HTR4: variants seen among roughly 807,000 people sequenced by gnomAD.
The protein encoded by HTR4 is 5-hydroxytryptamine (serotonin) receptor 4, G protein-coupled.
Under a neutral mutation model 36.8 loss-of-function variants are expected in HTR4, and 16 were observed. The observed-to-expected ratio is 0.43, with a 90% CI of 0.29 to 0.66. The LOEUF (loss-of-function observed/expected upper bound fraction) is 0.66, where lower values mean the gene tolerates loss of function less well. Ranked by LOEUF, HTR4 falls within the 30% of genes least tolerant of loss-of-function variation. The pLI is 0.13. For synonymous variants in HTR4, 189 were observed against 185.1 expected (o/e 1.02, Z -0.17); for missense variants, 438 against 490.9 (o/e 0.89, Z 1.02).
At chr5:148,453,173 G>T (rs1025693420) in intron 5 of HTR4, among the ~76,000 whole-genome samples, 7 of 152,258 alleles carry the variant, frequency 4.6e-5, no homozygotes, top group African/African-American at 1.7e-4. Context: ...CTGAGTCCAG[G>T]TTAGTCTTTC....
chr5:148,637,679 A>G (rs1308386615), intron 1 of HTR4, among the ~76,000 whole-genome samples: 1 of 152,086 alleles, frequency 6.6e-6, no homozygotes, highest in Non-Finnish European at 1.5e-5. Flanking sequence ...GTTAACTTCA[A>G]ATTACCAAAG....
chr5:148,547,675 T>G (rs964751900), intron 4 of HTR4, among the ~76,000 whole-genome samples: 1 of 152,006 alleles, frequency 6.6e-6, no homozygotes, highest in Non-Finnish European at 1.5e-5. Flanking sequence ...TGAGGATAAC[T>G]TGAGCACAGT....
intron 5 of HTR4, among the ~76,000 whole-genome samples, chr5:148,460,839 C>T (rs886229631): frequency 3.9e-5 from 6 of 152,010 alleles, no homozygotes; most frequent in Admixed American, 3.3e-4. Flanking sequence ...TGCTTTTATG[C>T]TCCTCAATGG....
intron 2 of HTR4, among the ~76,000 whole-genome samples, chr5:148,588,823 A>T (rs972468584): frequency 1.3e-5 from 2 of 151,648 alleles, no homozygotes; most frequent in African/African-American, 4.8e-5. Context: ...TACAGGCGTG[A>T]GGGTTTTAAT....
chr5:148,509,613 AC>A lies in HTR4; in HGVS notation c.918del (p.Leu307Ter). ...AFLWLGYINS[G>X]LNPFLYAFLN... ...AAGAAGGCGTAGAGAAAAGGGTTCA[AC>A]CCGGAATTGATATAGCCGAGCCAGA... On this transcript the variant is annotated frameshift_variant, in exon 6 of 7. Transcript: ENST00000377888. LOFTEE classifies it high-confidence loss of function. 1.2e-6 allele frequency: 2 copies of A among 1,614,086 alleles called. No individual in the cohort carries two copies. Among genetic ancestry groups the A allele is most frequent in the Non-Finnish European group, 1.7e-6 (2 of 1,179,996 alleles).
chr5:148,556,845 G>A (rs187991311), intron 2 of HTR4, among the ~76,000 whole-genome samples: 3 of 152,262 alleles, frequency 2.0e-5, no homozygotes, highest in Admixed American at 2.0e-4. Context: ...AAAACACGCT[G>A]GCTTAGAGAG....
rs755406494 is a variant in HTR4 at position 148,548,812 on chromosome 5, G to A, written c.209C>T (p.Ser70Leu). The A allele has an allele frequency of 1.2e-6, 2 of 1,613,962 alleles. No individual in the cohort carries two copies. The highest frequency in any genetic ancestry group is 2.2e-5 in the East Asian group (1 of 44,836). ...VSLAFADLLV[S>L]VLVMPFGAIE... The stretch of plus-strand genomic sequence containing the variant: ...GGCACCAAAGGGCATCACCAGCACC[G>A]AAACCAGCAGATCCGCAAAAGCAAG... Residue 70 changes from serine (S) to leucine (L), a missense_variant, in exon 4 of 7, where the codon TCG (serine) becomes TTG (leucine). Ser to Leu is a moderately radical substitution (Grantham distance 145). Transcript: ENST00000377888.
chr5:148,473,301 C>CAAAAA (rs35164649), downstream of HTR4, among the ~76,000 whole-genome samples: 6 of 68,630 alleles, frequency 8.7e-5, no homozygotes, highest in African/African-American at 2.4e-4. Context: ...GACTCCATCT[C>CAAAAA]AAAAAAAAAA....
In HTR4 at chr5:148,509,938, C is replaced by G; in HGVS notation, c.594G>C (p.Val198=). 6.2e-7 allele frequency: 1 copy of G among 1,613,928 alleles called. No homozygotes were observed. The highest frequency in any genetic ancestry group is 8.5e-7 in the Non-Finnish European group (1 of 1,179,972). Residue 198 remains valine (V), a synonymous_variant, in exon 6 of 7, where the codon GTG becomes GTC. Coordinates refer to ENST00000377888, the MANE Select transcript of HTR4 (RefSeq NM_000870.7). The part of the protein sequence containing the change: ...VNKPYAITCS[V]VAFYIPFLLM... ...GGAGAAATGGGATGTAGAAGGCCAC[C>G]ACAGAGCAGGTGATGGCGTAGGGCT...
chr5:148,527,140 C>T (rs34739730), intron 4 of HTR4, among the ~76,000 whole-genome samples: 38,803 of 151,914 alleles, frequency 0.26, 5,763 homozygotes, highest in Non-Finnish European at 0.34. Flanking sequence ...CACATGTACC[C>T]CATAAGTATG....
intron 6 of HTR4, among the ~76,000 whole-genome samples, chr5:148,496,554 A>G (rs1010574439): frequency 1.3e-5 from 2 of 152,178 alleles, no homozygotes; most frequent in African/African-American, 2.4e-5. Flanking sequence ...CTAACGTAAA[A>G]GATGTAACCT....
chr5:148,478,988 G>A (rs986938004), downstream of HTR4, among the ~76,000 whole-genome samples: 7 of 151,884 alleles, frequency 4.6e-5, no homozygotes, highest in East Asian at 1.9e-4. Context: ...TGGATGGCTC[G>A]TGACATGCCC....
chr5:148,572,969 A>T (rs1026964801), intron 2 of HTR4, among the ~76,000 whole-genome samples: 3 of 152,102 alleles, frequency 2.0e-5, no homozygotes, highest in African/African-American at 7.2e-5. Flanking sequence ...TAGACAATTA[A>T]CCAGAATAAT....
chr5:148,608,671 G>T (rs532028929), intron 2 of HTR4, among the ~76,000 whole-genome samples: 21 of 152,306 alleles, frequency 1.4e-4, no homozygotes, highest in African/African-American at 4.1e-4. Flanking sequence ...TAACAAGATT[G>T]ACATTTTAGA....
chr5:148,455,258 C>T (rs1415574033), intron 5 of HTR4, among the ~76,000 whole-genome samples: 2 of 152,162 alleles, frequency 1.3e-5, no homozygotes, highest in Admixed American at 6.5e-5. Flanking sequence ...TCAGAACACA[C>T]TCCTGAACCT....
intron 5 of HTR4, among the ~76,000 whole-genome samples, chr5:148,511,031 C>G (rs1209190180): frequency 1.3e-5 from 2 of 152,216 alleles, no homozygotes; most frequent in Admixed American, 6.5e-5. Context: ...CCTGAACCCA[C>G]TCCATTTAGG....
intron 2 of HTR4, among the ~76,000 whole-genome samples, chr5:148,633,089 G>A (rs1050919540): frequency 1.3e-5 from 2 of 152,260 alleles, no homozygotes; most frequent in Non-Finnish European, 2.9e-5. Flanking sequence ...GTGGGTGTCA[G>A]ATTGTCTGGA....
intron 6 of HTR4, among the ~76,000 whole-genome samples, chr5:148,507,948 G>T (rs975778196): frequency 4.6e-5 from 7 of 151,992 alleles, no homozygotes; most frequent in African/African-American, 1.7e-4. Flanking sequence ...ACTCCTGAAG[G>T]CATAATAATT....
chr5:148,488,357 A>G (rs911059978), intron 6 of HTR4, among the ~76,000 whole-genome samples: 1 of 152,194 alleles, frequency 6.6e-6, no homozygotes, highest in African/African-American at 2.4e-5. Context: ...TCTAATACCT[A>G]ACAAACACAG....
Sources: allele counts gnomAD v4.1 joint callset (sites outside exome capture counted in the v4.1 genomes callset), GRCh38; gene constraint gnomAD v4.1.1; transcripts MANE v1.5; gene names NCBI Gene and HGNC (gene_info 2026-07-23, HGNC 2026-07-21).